The following RIPOR2 variants were observed in gnomAD, a reference collection of about 807,000 sequenced individuals.
The protein encoded by RIPOR2 is rho family-interacting cell polarization regulator 2.
RIPOR2 carries 39 observed loss-of-function variants against 114.5 expected under a neutral mutation model. The ratio of observed to expected loss-of-function variants is 0.34; its 90% confidence interval spans 0.26 to 0.44. RIPOR2 has a LOEUF of 0.44. RIPOR2 is among the 20% of genes least tolerant of loss of function. The pLI is 1.00. For synonymous variants in RIPOR2, 445 were observed against 484.4 expected (o/e 0.92, Z 1.07); for missense variants, 1,007 against 1,255.1 (o/e 0.80, Z 2.99).
chr6:24,818,782 T>G (rs1759410519), intron 19 of RIPOR2, among the ~76,000 whole-genome samples, 157 bp from the exon 20 acceptor site: 1 of 152,108 alleles, frequency 6.6e-6, no homozygotes, highest in African/African-American at 2.4e-5. Flanking sequence ...AAATTCATAT[T>G]AATTAAAAGA....
chr6:24,839,712 G>A lies in RIPOR2; in HGVS notation c.1858-440C>T, dbSNP rs573364571. ...GAACTGCTATATCCCTCTGCCTAGT[G>A]CTCACCCCAAAATAAAATACCACAA... On this transcript the variant is annotated intron_variant, in intron 13 of 21. Transcript: ENST00000643898. 5.4e-6 allele frequency: 8 copies of A among 1,470,810 alleles called. No individual in the cohort carries two copies. The African/African-American group carries it at 1.1e-4, about 21-fold the overall frequency. 91.1% of individuals were successfully genotyped at this position (1,470,810 alleles called of 1,614,324 possible). A position where few individuals can be genotyped will look rare whatever the true frequency, so the allele number is the denominator to read the frequency against.
intron 1 of RIPOR2, among the ~76,000 whole-genome samples, chr6:24,913,914 AC>A (rs1364863715): frequency 6.6e-6 from 1 of 151,960 alleles, no homozygotes; most frequent in Non-Finnish European, 1.5e-5. Flanking sequence ...GGGTATCCTC[AC>A]CCCCACCCAT....
intron 14 of RIPOR2, among the ~76,000 whole-genome samples, chr6:24,836,344 C>T (rs1741581996): frequency 6.6e-6 from 1 of 152,096 alleles, no homozygotes; most frequent in African/African-American, 2.4e-5. Context: ...AGGAAAGCTG[C>T]CAAGAAGAGA....
intron 1 of RIPOR2, chr6:24,877,034 A>T: frequency 8.1e-6 from 8 of 985,114 alleles, no homozygotes; most frequent in Non-Finnish European, 9.6e-6. Context: ...CAGATTGAAG[A>T]CTCCAAAGTG....
chr6:25,005,738 T>TATATACAC lies in RIPOR2; in HGVS notation c.76+36112_76+36113insGTGTATAT, dbSNP rs34572978. Among the ~76,000 whole-genome samples the TATATACAC allele has an allele frequency of 6.4e-3, 453 of 70,686 alleles. 52 individuals carry two copies. The highest frequency in any genetic ancestry group is 0.012 in the Non-Finnish European group (371 of 30,020). The allele number at this position is 70,686 out of a possible 152,430, so 46.4% of individuals were successfully genotyped here. A position where few individuals can be genotyped will look rare whatever the true frequency, so the allele number is the denominator to read the frequency against. ...ATATATATATATATATATATATATA[T>TATATACAC]ATACATTTACCGATCAAAAGATATG... On this transcript the variant is annotated intron_variant, in intron 1 of 13. Coordinates refer to the RIPOR2 transcript ENST00000510784.
intron 16 of RIPOR2, among the ~76,000 whole-genome samples, chr6:24,831,695 T>C (rs547586495): frequency 4.9e-4 from 75 of 152,328 alleles, no homozygotes; most frequent in Admixed American, 2.0e-3. Context: ...CTGCTGAATA[T>C]CTGATATGAA....
In RIPOR2 at chr6:24,891,430, C is replaced by T. The variant is rs187594542; in HGVS notation, c.62-15613G>A. ...TTATTAACAAAACAGAATTATGTTC[C>T]TCTTTATTGTATATCAAGAGTGTTT... On this transcript the variant is annotated intron_variant, in intron 1 of 21. Coordinates refer to ENST00000643898, the MANE Select transcript of RIPOR2 (RefSeq NM_001286445.3). 2.6e-5 allele frequency among the ~76,000 whole-genome samples: 4 copies of T among 152,088 alleles called. No homozygotes were observed. In the East Asian group the frequency reaches 5.8e-4, roughly 22 times the overall value.
intron 1 of RIPOR2, among the ~76,000 whole-genome samples, chr6:24,895,820 C>T (rs1346227185): frequency 1.3e-5 from 2 of 151,974 alleles, no homozygotes; most frequent in South Asian, 4.2e-4. Context: ...GAAACCCTGT[C>T]TCTACTAAAA....
Position 24,804,497 on chromosome 6 carries a change from T to A in RIPOR2, c.*1876A>T, listed in dbSNP as rs2113604600. 1 of 152,254 alleles carries A rather than the reference T, an allele frequency of 6.6e-6. No homozygotes were observed. The highest frequency in any genetic ancestry group is 2.1e-4 in the South Asian group (1 of 4,830). The allele number at this position is 152,254 out of a possible 1,614,324, so 9.4% of individuals were successfully genotyped here. A position where few individuals can be genotyped will look rare whatever the true frequency, so the allele number is the denominator to read the frequency against. ...ATCCTGTAACATCTGTGTTTGACTTTCTATAAAAAGAACCATTTCAACCAT... is the reference window on the plus strand; with the variant it reads ...ATCCTGTAACATCTGTGTTTGACTTACTATAAAAAGAACCATTTCAACCAT... On this transcript the variant is annotated 3_prime_UTR_variant, in exon 22 of 22. Transcript: ENST00000643898.
intron 1 of RIPOR2, among the ~76,000 whole-genome samples, chr6:24,997,230 T>C (rs1285620339): frequency 6.6e-6 from 1 of 152,152 alleles, no homozygotes; most frequent in African/African-American, 2.4e-5. Flanking sequence ...GATTCTAATA[T>C]ACAGTTAAGC....
At chr6:24,840,393 C>A in intron 13 of RIPOR2, 2 of 1,173,930 alleles carry the variant, frequency 1.7e-6, no homozygotes, top group Non-Finnish European at 2.1e-6. Context: ...GGAGCAATCC[C>A]ATTCTCTGGC....
Position 25,031,699 on chromosome 6 carries a change from TTA to T in RIPOR2, c.76+10150_76+10151del, listed in dbSNP as rs58886088. Reference sequence around the variant, plus strand: ...GTTAGGTATGTGATGTAGGTGGTAGTTATATATATATATATATATATATATAT... The same window carrying T: ...GTTAGGTATGTGATGTAGGTGGTAGTTATATATATATATATATATATATAT... On this transcript the variant is annotated intron_variant, in intron 1 of 13. Coordinates refer to the RIPOR2 transcript ENST00000510784. Among the ~76,000 whole-genome samples the T allele has an allele frequency of 9.0e-3, 318 of 35,202 alleles. 1 individual carries two copies. Among genetic ancestry groups the T allele is most frequent in the East Asian group, 0.014 (14 of 1,022 alleles). 23.1% of individuals were successfully genotyped at this position (35,202 alleles called of 152,430 possible).
At chr6:24,865,974 A>G (rs1278092859) in intron 6 of RIPOR2, among the ~76,000 whole-genome samples, 2 of 152,216 alleles carry the variant, frequency 1.3e-5, no homozygotes, top group African/African-American at 4.8e-5. Flanking sequence ...CTAGGCTAAT[A>G]TCACTTTAAG....
chr6:25,024,284 C>T (rs779524083), intron 1 of RIPOR2: 52 of 1,534,950 alleles, frequency 3.4e-5, no homozygotes, highest in Non-Finnish European at 4.3e-5. Flanking sequence ...CCACAAACTC[C>T]CTGATGACAT....
rs534838764 is a variant in RIPOR2, at chr6:24,967,564, T to G, written c.76+74287A>C. ...CTCAGGCCTTCTGACATGCCCTGGG[T>G]GCATTTCCCATATGACTGTACCTGA... is the stretch of plus-strand genomic sequence containing the variant. On this transcript the variant is annotated intron_variant, in intron 1 of 13. Transcript: ENST00000510784. Among the ~76,000 whole-genome samples, 37 of 152,302 alleles carry G rather than the reference T, an allele frequency of 2.4e-4. No homozygotes were observed. In the South Asian group the frequency reaches 5.2e-3, roughly 21 times the overall value.
intron 1 of RIPOR2, among the ~76,000 whole-genome samples, chr6:24,878,678 G>A (rs938859210): frequency 1.3e-5 from 2 of 152,054 alleles, no homozygotes; most frequent in African/African-American, 4.8e-5. Flanking sequence ...ACCTGGGTAT[G>A]GGGAGGGTTG....
At chr6:24,992,139 G>C (rs1774850638) in intron 1 of RIPOR2, among the ~76,000 whole-genome samples, 1 of 152,172 alleles carries the variant, frequency 6.6e-6, no homozygotes, top group Admixed American at 6.5e-5. Flanking sequence ...ATTTGATAAT[G>C]GTTTTTTCTC....
chr6:24,984,661 A>AAAC (rs1774458305), intron 1 of RIPOR2, among the ~76,000 whole-genome samples: 1 of 150,784 alleles, frequency 6.6e-6, no homozygotes, highest in Non-Finnish European at 1.5e-5. Flanking sequence ...CAAAAAAAAA[A>AAAC]CCTAAAAAAT....
At chr6:24,957,475 T>C (rs2114214240) in intron 1 of RIPOR2, among the ~76,000 whole-genome samples, 1 of 152,282 alleles carries the variant, frequency 6.6e-6, no homozygotes, top group East Asian at 1.9e-4. Context: ...GTCATTATCA[T>C]AGGGGAAATA....
Sources: allele counts gnomAD v4.1 joint callset (sites outside exome capture counted in the v4.1 genomes callset), GRCh38; gene constraint gnomAD v4.1.1; transcripts MANE v1.5; gene names NCBI Gene and HGNC (gene_info 2026-07-23, HGNC 2026-07-21).